ARHGAP42: variants seen among roughly 807,000 people sequenced by gnomAD.
The protein encoded by ARHGAP42 is rho GTPase-activating protein 42.
Under a neutral mutation model 125.0 loss-of-function variants are expected in ARHGAP42, and 63 were observed. The ratio of observed to expected loss-of-function variants is 0.50; its 90% CI spans 0.41 to 0.62. The LOEUF is 0.62. ARHGAP42 is among the 20% of genes least tolerant of loss of function. The probability of loss-of-function intolerance (pLI) is 0.00; values close to 1 mark genes in which losing one functional copy is unlikely to be tolerated. For synonymous variants in ARHGAP42, 339 were observed against 351.0 expected, an observed-to-expected ratio of 0.97 and a Z score of 0.38; for missense variants, 766 against 1,024.2, an observed-to-expected ratio of 0.75 and a Z score of 3.44.
At chr11:100,851,384 A>G (rs1565241791) in intron 3 of ARHGAP42, among the ~76,000 whole-genome samples, 1 of 152,204 alleles carries the variant, frequency 6.6e-6, no homozygotes, top group Non-Finnish European at 1.5e-5. Flanking sequence ...TATTGATCCC[A>G]TAAGATTATA....
At chr11:100,731,994 G>A (rs12272766) in intron 1 of ARHGAP42, among the ~76,000 whole-genome samples, 3,077 of 144,428 alleles carry the variant, frequency 0.021, 101 homozygotes, top group African/African-American at 0.072. Flanking sequence ...CGCTCTTGTT[G>A]CCCAGGCTGG....
At chr11:100,779,435 G>A (rs586825) in intron 2 of ARHGAP42, among the ~76,000 whole-genome samples, 121,610 of 122,508 alleles carry the variant, frequency 0.99, 60,356 homozygotes, top group African/African-American at 0.99. Flanking sequence ...ACAAGAGCGA[G>A]ACTGCGTCTC....
intron 1 of ARHGAP42, among the ~76,000 whole-genome samples, chr11:100,768,578 A>C (rs1294567425): frequency 6.6e-6 from 1 of 152,162 alleles, no homozygotes; most frequent in Non-Finnish European, 1.5e-5. Flanking sequence ...CAGCTATTAG[A>C]CTTGAACCCA....
chr11:100,960,804 A>G, intron 13 of ARHGAP42, 111 bp from the exon 14 acceptor site: 1 of 576,682 alleles, frequency 1.7e-6, no homozygotes, highest in Non-Finnish European at 2.9e-6. Flanking sequence ...TAGACTGTGA[A>G]ATTGGATAAG....
intron 2 of ARHGAP42, among the ~76,000 whole-genome samples, chr11:100,789,492 G>A (rs1863515110): frequency 6.6e-6 from 1 of 152,196 alleles, no homozygotes; most frequent in African/African-American, 2.4e-5. Context: ...GCATGAGTGA[G>A]CTGTGGGTGC....
At chr11:100,981,634 T>C (rs1292682652) in intron 22 of ARHGAP42, among the ~76,000 whole-genome samples, 2 of 152,194 alleles carry the variant, frequency 1.3e-5, no homozygotes, top group African/African-American at 4.8e-5. Context: ...ACAGGGGTGA[T>C]CTAATCTATG....
chr11:100,735,602 CTTTTT>C (rs58522622), intron 1 of ARHGAP42, among the ~76,000 whole-genome samples: 50 of 73,064 alleles, frequency 6.8e-4, no homozygotes, highest in African/African-American at 2.7e-3. Flanking sequence ...TTTACTTGTA[CTTTTT>C]TTTTTTTTTT....
chr11:100,826,608 A>T (rs910543462), intron 3 of ARHGAP42, among the ~76,000 whole-genome samples: 1 of 152,174 alleles, frequency 6.6e-6, no homozygotes, highest in African/African-American at 2.4e-5. Context: ...CAATGTAGTT[A>T]TATTAACAGT....
chr11:100,698,681 T>TA lies in ARHGAP42; in HGVS notation c.154+10857dup, dbSNP rs201932314. On this transcript the variant is annotated intron_variant, in intron 1 of 23. Transcript: ENST00000298815. ...ATGTACTCAAGAGTGGAACTCCGTT[T>TA]AAAAAAAAGGGTCATTTTTAAAAAA... Among the ~76,000 whole-genome samples, 1,297 of 151,912 alleles carry TA rather than the reference T, an allele frequency of 8.5e-3. 18 individuals carry two copies. The highest frequency in any genetic ancestry group is 0.029 in the African/African-American group (1,209 of 41,428).
At chr11:100,757,481 G>A (rs1862603352) in intron 1 of ARHGAP42, among the ~76,000 whole-genome samples, 1 of 152,106 alleles carries the variant, frequency 6.6e-6, no homozygotes. Flanking sequence ...GTGGTGAGAT[G>A]GCTGTAGTAA....
chr11:100,973,086 A>AT (rs1858295682), intron 17 of ARHGAP42, 89 bp from the exon 18 acceptor site: 1 of 1,226,680 alleles, frequency 8.2e-7, no homozygotes, highest in South Asian at 1.8e-5. Context: ...CATATTTTAC[A>AT]TTTTTTGCAC....
intron 1 of ARHGAP42, among the ~76,000 whole-genome samples, chr11:100,705,100 T>C (rs1042439792): frequency 2.0e-5 from 3 of 152,104 alleles, no homozygotes; most frequent in African/African-American, 7.2e-5. Flanking sequence ...CTTGGATTTG[T>C]ATCTTTGAGA....
At chr11:100,818,233 A>G (rs143726889) in intron 3 of ARHGAP42, among the ~76,000 whole-genome samples, 1 of 152,282 alleles carries the variant, frequency 6.6e-6, no homozygotes, top group African/African-American at 2.4e-5. Context: ...TATAAATGCA[A>G]TCATCCACTG....
chr11:100,745,081 C>CGGAATGAGTCAGGGTGG (rs1391463465), intron 1 of ARHGAP42, among the ~76,000 whole-genome samples: 5 of 151,886 alleles, frequency 3.3e-5, no homozygotes, highest in Non-Finnish European at 5.9e-5. Flanking sequence ...AGCAAGAAAT[C>CGGAATGAGTCAGGGTGG]GGAATGAGTC....
At chr11:100,855,070 T>C (rs911808218) in intron 3 of ARHGAP42, among the ~76,000 whole-genome samples, 28 of 152,182 alleles carry the variant, frequency 1.8e-4, no homozygotes. Context: ...ATTTTTGCAA[T>C]GAACTGTACC....
chr11:100,695,525 A>C (rs1861261700), intron 1 of ARHGAP42, among the ~76,000 whole-genome samples: 1 of 152,062 alleles, frequency 6.6e-6, no homozygotes, highest in African/African-American at 2.4e-5. Context: ...GGCTGGTCTC[A>C]AACTCCTGAC....
intron 16 of ARHGAP42, among the ~76,000 whole-genome samples, chr11:100,963,143 C>G (rs1857999489): frequency 6.6e-6 from 1 of 152,226 alleles, no homozygotes; most frequent in African/African-American, 2.4e-5. Context: ...TGCTCATGTG[C>G]TGTATTCCTC....
At chr11:100,762,278 T>C (rs17095409) in intron 1 of ARHGAP42, among the ~76,000 whole-genome samples, 39,243 of 152,156 alleles carry the variant, frequency 0.26, 5,311 homozygotes, top group Non-Finnish European at 0.29. Context: ...CATGTTGTTC[T>C]AGCTTGGAAT....
At chr11:100,971,976 G>A (rs1432847211) in intron 17 of ARHGAP42, among the ~76,000 whole-genome samples, 1 of 152,098 alleles carries the variant, frequency 6.6e-6, no homozygotes, top group Non-Finnish European at 1.5e-5. Context: ...TACATATTAA[G>A]CAATTAATAT....
Sources: allele counts gnomAD v4.1 joint callset (sites outside exome capture counted in the v4.1 genomes callset), GRCh38; gene constraint gnomAD v4.1.1; transcripts MANE v1.5; gene names NCBI Gene and HGNC (gene_info 2026-07-23, HGNC 2026-07-21).